The following TAF3 variants were observed in gnomAD, a reference collection of about 807,000 sequenced individuals.
TAF3 encodes the protein transcription initiation factor TFIID subunit 3.
TAF3 carries 7 observed loss-of-function variants against 80.6 expected under a neutral mutation model. That is an observed-to-expected ratio of 0.09 (90% CI 0.05 to 0.16). The LOEUF (loss-of-function observed/expected upper bound fraction) is 0.16. Among genes scored for constraint, TAF3 ranks in the 10% least tolerant of loss-of-function variants. The pLI, the probability that TAF3 is intolerant of heterozygous loss-of-function variation, is 1.00. For missense variants in TAF3, 921 were observed against 1,140.2 expected, an observed-to-expected ratio of 0.81 and a Z score of 2.77; for synonymous variants, 444 against 446.1, an observed-to-expected ratio of 1.00 and a Z score of 0.06.
At chr10:7,968,409 A>G (rs556360035) in intron 3 of TAF3, among the ~76,000 whole-genome samples, 1 of 152,340 alleles carries the variant, frequency 6.6e-6, no homozygotes, top group Non-Finnish European at 1.5e-5. Flanking sequence ...AGATGTGATT[A>G]ATTAAAACGG....
chr10:7,887,125 C>G (rs1837415699), intron 2 of TAF3, among the ~76,000 whole-genome samples: 1 of 151,672 alleles, frequency 6.6e-6, no homozygotes, highest in African/African-American at 2.4e-5. Flanking sequence ...GTCCCAGCTA[C>G]TCGGGAGACA....
intron 2 of TAF3, among the ~76,000 whole-genome samples, chr10:7,957,794 GCTCTCTCT>G (rs376837630): frequency 9.2e-5 from 12 of 130,736 alleles, no homozygotes; most frequent in East Asian, 4.6e-4. Context: ...TCTCTAGCGC[GCTCTCTCT>G]CTCTCTCTCT....
chr10:7,865,718 T>C (rs1837207660), intron 2 of TAF3, among the ~76,000 whole-genome samples: 1 of 152,142 alleles, frequency 6.6e-6, no homozygotes, highest in South Asian at 2.1e-4. Flanking sequence ...AAATAGAAAG[T>C]TGCTTAGTAA....
At chr10:7,895,216 T>C (rs1240398639) in intron 2 of TAF3, among the ~76,000 whole-genome samples, 2 of 152,232 alleles carry the variant, frequency 1.3e-5, no homozygotes, top group South Asian at 2.1e-4. Context: ...CTTTAGTGAG[T>C]CCTAACCCCT....
At chr10:7,869,666 T>G (rs961415697) in intron 2 of TAF3, among the ~76,000 whole-genome samples, 2 of 152,228 alleles carry the variant, frequency 1.3e-5, no homozygotes, top group Admixed American at 6.5e-5. Flanking sequence ...GATTGTCACC[T>G]TTTTAAGCTT....
At chr10:7,888,582 A>C (rs1003712633) in intron 2 of TAF3, among the ~76,000 whole-genome samples, 1 of 152,202 alleles carries the variant, frequency 6.6e-6, no homozygotes, top group African/African-American at 2.4e-5. Flanking sequence ...TTCAGTCTAC[A>C]GTGATGTGTA....
chr10:7,915,070 A>T (rs1253806954), intron 2 of TAF3, among the ~76,000 whole-genome samples: 2 of 149,690 alleles, frequency 1.3e-5, no homozygotes, highest in Non-Finnish European at 3.0e-5. Flanking sequence ...CCTCCTGAGT[A>T]GCTGGGACTA....
chr10:7,877,558 T>C (rs182065587), intron 2 of TAF3, among the ~76,000 whole-genome samples: 1 of 152,340 alleles, frequency 6.6e-6, no homozygotes, highest in East Asian at 1.9e-4. Flanking sequence ...AATGAGAATA[T>C]GGCATTTATT....
intron 2 of TAF3, among the ~76,000 whole-genome samples, chr10:7,956,522 C>T (rs142772229): frequency 5.5e-4 from 83 of 152,212 alleles, no homozygotes; most frequent in African/African-American, 1.9e-3. Flanking sequence ...ATTTTACAGT[C>T]AAATGTTGAC....
At chr10:7,818,972 G>A (rs543350103) in intron 1 of TAF3, 97 bp downstream of exon 1, 28 of 1,184,500 alleles carry the variant, frequency 2.4e-5, no homozygotes, top group East Asian at 2.2e-4. Context: ...TGTGCATCCC[G>A]CACCCCGCCT....
intron 3 of TAF3, among the ~76,000 whole-genome samples, chr10:7,970,565 G>A (rs371100096): frequency 3.3e-5 from 5 of 152,186 alleles, no homozygotes; most frequent in Admixed American, 1.3e-4. Context: ...AAATGAGGGG[G>A]ATAGGAATGG....
chr10:7,847,531 A>AG (rs1397914992), intron 2 of TAF3, among the ~76,000 whole-genome samples: 3 of 152,132 alleles, frequency 2.0e-5, no homozygotes, highest in African/African-American at 7.2e-5. Context: ...TGAAGCCCTG[A>AG]CTTCCTGGGC....
chr10:7,842,164 GTTTTTTTTT>G (rs71505466), intron 2 of TAF3, among the ~76,000 whole-genome samples: 2 of 85,414 alleles, frequency 2.3e-5, no homozygotes, highest in South Asian at 4.1e-4. Flanking sequence ...TTTTTTTTTT[GTTTTTTTTT>G]TTGTTTTTTT....
At chr10:7,896,833 G>A (rs2131167631) in intron 2 of TAF3, among the ~76,000 whole-genome samples, 1 of 152,226 alleles carries the variant, frequency 6.6e-6, no homozygotes, top group African/African-American at 2.4e-5. Context: ...TCTCTTTAAG[G>A]TCTAACAAGG....
chr10:7,893,404 CAG>C (rs1837476547), intron 2 of TAF3, among the ~76,000 whole-genome samples: 1 of 152,184 alleles, frequency 6.6e-6, no homozygotes, highest in African/African-American at 2.4e-5. Flanking sequence ...ATCAGTTAAA[CAG>C]AGAAGAAGCA....
At chr10:7,934,962 T>C (rs1837902606) in intron 2 of TAF3, among the ~76,000 whole-genome samples, 1 of 151,834 alleles carries the variant, frequency 6.6e-6, no homozygotes, top group Non-Finnish European at 1.5e-5. Flanking sequence ...AAAAAACACA[T>C]AAAACAATAA....
chr10:7,891,904 A>G (rs1482831939), intron 2 of TAF3, among the ~76,000 whole-genome samples: 3 of 152,226 alleles, frequency 2.0e-5, no homozygotes, highest in Non-Finnish European at 4.4e-5. Flanking sequence ...TGGAGTATCT[A>G]CTTTGCTTGT....
intron 2 of TAF3, among the ~76,000 whole-genome samples, chr10:7,849,398 G>T (rs947101261): frequency 6.6e-6 from 1 of 152,118 alleles, no homozygotes; most frequent in African/African-American, 2.4e-5. Context: ...AGGAATATTT[G>T]GGATATGTTA....
At chr10:7,950,719 C>T (rs1838073953) in intron 2 of TAF3, among the ~76,000 whole-genome samples, 1 of 152,226 alleles carries the variant, frequency 6.6e-6, no homozygotes, top group African/African-American at 2.4e-5. Context: ...CATGCGTTGC[C>T]TGTTCCCAGC....
Sources: allele counts gnomAD v4.1 joint callset (sites outside exome capture counted in the v4.1 genomes callset), GRCh38; gene constraint gnomAD v4.1.1; transcripts MANE v1.5; gene names NCBI Gene and HGNC (gene_info 2026-07-23, HGNC 2026-07-21).